Variants in C14orf39 observed in about 807,000 individuals in gnomAD.
The protein encoded by C14orf39 is chromosome 14 open reading frame 39.
C14orf39 carries 66 observed loss-of-function variants against 85.6 expected under a neutral mutation model. The observed-to-expected ratio is 0.77, with a 90% CI of 0.63 to 0.95. The LOEUF (loss-of-function observed/expected upper bound fraction) is 0.95. C14orf39 is among the 40% of genes least tolerant of loss of function. C14orf39 has a pLI of 0.00. For missense variants in C14orf39, 735 were observed against 663.9 expected, an observed-to-expected ratio of 1.11 and a Z score of -1.18; for synonymous variants, 242 against 214.0, an observed-to-expected ratio of 1.13 and a Z score of -1.14.
At position 60,483,108 on chromosome 14, in the gene C14orf39, TGGG is replaced by T. The variant is rs1309756917; in HGVS notation, c.233+580_233+582del. Reference sequence around the variant, plus strand: ...CTTAAAACCAGTGGGAAAAAACTAATGGGGGAAAAACAAAAAAGGCTTATTAAA... The same window carrying T: ...CTTAAAACCAGTGGGAAAAAACTAATGGAAAAACAAAAAAGGCTTATTAAA... On this transcript the variant is annotated intron_variant, in intron 4 of 17. Transcript: ENST00000321731. Among the ~76,000 whole-genome samples, 6 of 152,084 alleles carry T rather than the reference TGGG, an allele frequency of 3.9e-5. No homozygotes were observed. In the East Asian group the frequency reaches 7.7e-4, roughly 20 times the overall value.
intron 2 of C14orf39, among the ~76,000 whole-genome samples, chr14:60,492,321 A>T (rs563736030): frequency 1.3e-5 from 2 of 152,192 alleles, no homozygotes; most frequent in Non-Finnish European, 2.9e-5. Flanking sequence ...CAATATTAAC[A>T]CATGTACAAA....
intron 16 of C14orf39, among the ~76,000 whole-genome samples, chr14:60,446,519 T>TAG (rs142898670): frequency 2.6e-3 from 398 of 152,332 alleles, no homozygotes; most frequent in Non-Finnish European, 4.4e-3. Context: ...AATCTCTGAA[T>TAG]AGACGAATGA....
At chr14:60,510,800 A>G (rs1369977509) in intron 1 of C14orf39, among the ~76,000 whole-genome samples, 2 of 152,218 alleles carry the variant, frequency 1.3e-5, no homozygotes, top group African/African-American at 4.8e-5. Context: ...AAAGTGCACA[A>G]CAAACAGGGA....
intron 1 of C14orf39, among the ~76,000 whole-genome samples, chr14:60,502,400 TAA>T (rs1379080488): frequency 6.6e-6 from 1 of 151,080 alleles, no homozygotes; most frequent in East Asian, 1.9e-4. Context: ...GATAAAAAGG[TAA>T]AGAAACAGAA....
At chr14:60,501,735 C>G (rs1595496282) in intron 1 of C14orf39, among the ~76,000 whole-genome samples, 1 of 152,254 alleles carries the variant, frequency 6.6e-6, no homozygotes, top group Admixed American at 6.5e-5. Context: ...AGGCCTACTT[C>G]AAAATAACCT....
At chr14:60,468,378 A>T in intron 9 of C14orf39, 67 bp downstream of exon 9, 2 of 946,858 alleles carry the variant, frequency 2.1e-6, no homozygotes, top group Non-Finnish European at 3.1e-6. Context: ...GGGATGGAAT[A>T]TAGAATCAAA....
At chr14:60,455,186 T>C (rs1891213793) in intron 15 of C14orf39, 41 bp from the exon 16 acceptor site, 3 of 1,404,624 alleles carry the variant, frequency 2.1e-6, no homozygotes, top group South Asian at 1.3e-5. Context: ...AAATCTATTA[T>C]TAAACACTGA....
Position 60,436,956 on chromosome 14 carries a change from A to T in C14orf39, c.1653T>A (p.Asp551Glu). The change falls in exon 18 of 18, where the codon GAT becomes GAA. Residue 551 changes from aspartate (D) to glutamate (E), a missense_variant. Transcript: ENST00000321731. ...TSTHTFGAGK[D>E]DFSFPFSFGQ... ...CAAATGAAAATGGAAAACTAAAATCATCTTTTCCAGCTCCAAATGTATGAG... is the reference window on the plus strand; with the variant it reads ...CAAATGAAAATGGAAAACTAAAATCTTCTTTTCCAGCTCCAAATGTATGAG... 1 of 1,612,792 alleles carries T rather than the reference A, an allele frequency of 6.2e-7. No homozygotes were observed. Among genetic ancestry groups the T allele is most frequent in the Non-Finnish European group, 8.5e-7 (1 of 1,179,054 alleles).
chr14:60,438,241 G>C (rs911826152), intron 17 of C14orf39, among the ~76,000 whole-genome samples: 1 of 151,882 alleles, frequency 6.6e-6, no homozygotes, highest in Non-Finnish European at 1.5e-5. Flanking sequence ...AAGATGGGTG[G>C]ATGGATGGAT....
In C14orf39 at chr14:60,437,606, G is replaced by C. The variant is rs577402724; in HGVS notation, c.1562-559C>G. ...CAGGAGAGAATAGGTATAAAGGCTG[G>C]AACAGGAGAGTCTAGAAGTGGGACT... On this transcript the variant is annotated intron_variant, in intron 17 of 17. Coordinates refer to ENST00000321731, the MANE Select transcript of C14orf39 (RefSeq NM_174978.3). Among the ~76,000 whole-genome samples the C allele has an allele frequency of 2.1e-3, 325 of 152,062 alleles. 1 individual carries two copies. Among genetic ancestry groups the C allele is most frequent in the Non-Finnish European group, 4.0e-3 (273 of 67,902 alleles).
chr14:60,509,222 C>T, intron 1 of C14orf39: 1 of 627,052 alleles, frequency 1.6e-6, no homozygotes, highest in Non-Finnish European at 2.8e-6. Context: ...GCCAGCACCT[C>T]CTCCAGTCGG....
chr14:60,456,058 G>GAC (rs1891259612), intron 15 of C14orf39, among the ~76,000 whole-genome samples: 1 of 152,052 alleles, frequency 6.6e-6, no homozygotes, highest in Non-Finnish European at 1.5e-5. Context: ...TCAACAGCAT[G>GAC]ACATTCAAAT....
chr14:60,467,056 G>A lies in C14orf39; in HGVS notation c.768-12C>T. 8.0e-7 allele frequency: 1 copy of A among 1,247,084 alleles called. No homozygotes were observed. 77.3% of individuals were successfully genotyped at this position (1,247,084 alleles called of 1,614,324 possible). A position where few individuals can be genotyped will look rare whatever the true frequency, so the allele number is the denominator to read the frequency against. On this transcript the variant is annotated splice_polypyrimidine_tract_variant and intron_variant, in intron 9 of 17. Coordinates refer to ENST00000321731, the MANE Select transcript of C14orf39 (RefSeq NM_174978.3). ...CTTTTCCAAAAATTCTAAAGAGAAA[G>A]GTGAATTACATTAAATATTAGATAA...
At chr14:60,451,793 A>C (rs528491856) in intron 16 of C14orf39, among the ~76,000 whole-genome samples, 1 of 152,308 alleles carries the variant, frequency 6.6e-6, no homozygotes, top group South Asian at 2.1e-4. Context: ...ATACGTAACA[A>C]ACCTGCACAT....
intron 13 of C14orf39, among the ~76,000 whole-genome samples, chr14:60,460,700 C>T (rs999680427): frequency 1.3e-5 from 2 of 151,392 alleles, no homozygotes; most frequent in Admixed American, 1.3e-4. Context: ...TGTGTATATA[C>T]ATAGAGAGAA....
intron 1 of C14orf39, among the ~76,000 whole-genome samples, chr14:60,504,922 C>T (rs1289412869): frequency 2.0e-5 from 3 of 152,174 alleles, no homozygotes; most frequent in Admixed American, 2.0e-4. Context: ...TTAATCATCA[C>T]TGTGAAGTAG....
chr14:60,511,266 G>T (rs533016019), intron 1 of C14orf39: 1 of 1,613,192 alleles, frequency 6.2e-7, no homozygotes, highest in African/African-American at 1.3e-5. Context: ...GCCCATCCAG[G>T]ATGCTCAGAA....
intron 2 of C14orf39, among the ~76,000 whole-genome samples, chr14:60,492,124 C>T (rs903001745): frequency 1.1e-4 from 6 of 55,410 alleles, no homozygotes; most frequent in Non-Finnish European, 1.4e-4. Context: ...CACAACTTGG[C>T]AAAACTTTAA....
intron 4 of C14orf39, among the ~76,000 whole-genome samples, chr14:60,479,328 C>T (rs1892533508): frequency 1.3e-5 from 2 of 152,174 alleles, no homozygotes; most frequent in South Asian, 2.1e-4. Context: ...ATTATACATA[C>T]ATATATTCTC....
Sources: gnomAD v4.1 joint callset for allele counts (sites outside exome capture counted in the v4.1 genomes callset) on GRCh38, gnomAD v4.1.1 for gene constraint, MANE v1.5 for transcripts, NCBI Gene and HGNC (gene_info 2026-07-23, HGNC 2026-07-21) for gene names.